LHFPL2: variants seen among roughly 807,000 people sequenced by gnomAD.
LHFPL2 encodes the protein LHFPL tetraspan subfamily member 2.
In LHFPL2, 7 loss-of-function variants were observed where a neutral mutation model predicts 17.5. That is an observed-to-expected ratio of 0.40 (90% CI 0.23 to 0.75). LHFPL2 has a LOEUF of 0.75. Among genes scored for constraint, LHFPL2 ranks in the 30% least tolerant of loss-of-function variants. The probability of loss-of-function intolerance (pLI) is 0.37; values close to 1 mark genes in which losing one functional copy is unlikely to be tolerated. For missense variants in LHFPL2, 241 were observed against 294.8 expected, an observed-to-expected ratio of 0.82 and a Z score of 1.34; for synonymous variants, 134 against 116.2, an observed-to-expected ratio of 1.15 and a Z score of -0.99.
chr5:78,516,561 G>A (rs1456388928), intron 3 of LHFPL2, among the ~76,000 whole-genome samples: 1 of 152,150 alleles, frequency 6.6e-6, no homozygotes, highest in African/African-American at 2.4e-5. Context: ...CTGCTCTGGG[G>A]GCTTCTCACA....
chr5:78,540,139 A>T (rs1489338714), intron 3 of LHFPL2, among the ~76,000 whole-genome samples: 1 of 152,252 alleles, frequency 6.6e-6, no homozygotes, highest in East Asian at 1.9e-4. Context: ...GTGCTAAGCA[A>T]TGTAATCAAC....
chr5:78,636,779 T>A (rs1230028450), intron 1 of LHFPL2, among the ~76,000 whole-genome samples: 2 of 152,102 alleles, frequency 1.3e-5, no homozygotes, highest in African/African-American at 4.8e-5. Flanking sequence ...TGTAAAACCT[T>A]CCTAAAAATA....
At chr5:78,633,578 GC>G (rs1350013544) in intron 1 of LHFPL2, among the ~76,000 whole-genome samples, 4 of 152,178 alleles carry the variant, frequency 2.6e-5, no homozygotes, top group Non-Finnish European at 5.9e-5. Context: ...TACAGAGATG[GC>G]CCAGCCTGCT....
rs1215470924 is a variant in LHFPL2 at position 78,632,307 on chromosome 5, T to C, written c.-288A>G. The C allele has an allele frequency of 6.6e-6, 1 of 152,222 alleles. No homozygotes were observed. The highest frequency in any genetic ancestry group is 1.5e-5 in the Non-Finnish European group (1 of 68,050). The allele number at this position is 152,222 out of a possible 1,614,324, so 9.4% of individuals were successfully genotyped here. On this transcript the variant is annotated 5_prime_UTR_variant, in exon 2 of 5. Coordinates refer to ENST00000380345, the MANE Select transcript of LHFPL2 (RefSeq NM_005779.3). ...AGGTCCCTCGCTTGCATGAGGTGCT[T>C]CTTAACAAAATGCAGAAACCATAGG...
intron 2 of LHFPL2, among the ~76,000 whole-genome samples, chr5:78,566,583 G>A (rs1361623660): frequency 6.6e-6 from 1 of 151,946 alleles, no homozygotes; most frequent in African/African-American, 2.4e-5. Flanking sequence ...TCAGCCTCCT[G>A]AGTAGCTGGG....
At position 78,509,990 on chromosome 5, in the gene LHFPL2, T is replaced by C; in HGVS notation, c.224A>G (p.His75Arg). 1 of 1,613,686 alleles carries C rather than the reference T, an allele frequency of 6.2e-7. No homozygotes were observed. The highest frequency in any genetic ancestry group is 8.5e-7 in the Non-Finnish European group (1 of 1,179,928). The change falls in exon 4 of 5, where the codon CAC (histidine) becomes CGC (arginine). Residue 75 changes from histidine to arginine, a missense_variant. By Grantham distance (29) the His-to-Arg change is conservative. Coordinates refer to ENST00000380345, the MANE Select transcript of LHFPL2 (RefSeq NM_005779.3). ...ARCIRNPGVQ[H>R]FQRDTLCGPY... Reference sequence around the variant, plus strand: ...CCCGCACAGCGTGTCCCGCTGGAAGTGCTGCACCCCTGGGTTCCGGATGCA... The same window carrying C: ...CCCGCACAGCGTGTCCCGCTGGAAGCGCTGCACCCCTGGGTTCCGGATGCA...
intron 4 of LHFPL2, chr5:78,494,276 TGGG>T (rs889147775): frequency 9.5e-6 from 7 of 737,136 alleles, no homozygotes; most frequent in African/African-American, 3.8e-5. Flanking sequence ...GAAGAAGAAA[TGGG>T]GGGGAGAATG....
intron 4 of LHFPL2, among the ~76,000 whole-genome samples, chr5:78,509,533 A>C (rs1445245740): frequency 6.6e-6 from 1 of 152,192 alleles, no homozygotes; most frequent in African/African-American, 2.4e-5. Flanking sequence ...GACCCCGAGG[A>C]AATAAGCAAT....
chr5:78,490,286 G>T (rs1754394517), intron 4 of LHFPL2, among the ~76,000 whole-genome samples: 1 of 152,114 alleles, frequency 6.6e-6, no homozygotes, highest in South Asian at 2.1e-4. Context: ...GCCACAAAAG[G>T]AGTCGCTTGC....
chr5:78,545,474 G>A (rs1387249042), intron 3 of LHFPL2, among the ~76,000 whole-genome samples: 1 of 152,238 alleles, frequency 6.6e-6, no homozygotes, highest in Non-Finnish European at 1.5e-5. Flanking sequence ...AGGCAAATGG[G>A]GACCTCATGG....
At chr5:78,511,045 T>A (rs1407692939) in intron 3 of LHFPL2, among the ~76,000 whole-genome samples, 1 of 152,002 alleles carries the variant, frequency 6.6e-6, no homozygotes, top group African/African-American at 2.4e-5. Flanking sequence ...CTATACTTTA[T>A]CCATTTTTCA....
chr5:78,617,346 G>GAAC (rs35070718), intron 2 of LHFPL2, among the ~76,000 whole-genome samples: 1 of 152,154 alleles, frequency 6.6e-6, no homozygotes, highest in Admixed American at 6.5e-5. Context: ...TCCTTAAAAG[G>GAAC]AACAGGAACT....
rs568119891 is a variant in LHFPL2 at position 78,582,353 on chromosome 5, T to C, written c.-244-17482A>G. On this transcript the variant is annotated intron_variant, in intron 2 of 4. Coordinates refer to ENST00000380345, the MANE Select transcript of LHFPL2 (RefSeq NM_005779.3). ...CTTTTGAATGTGTTTGCTCTTGCTT[T>C]TCTAGTTCTTTTAATTGTGATGTTA... is the stretch of plus-strand genomic sequence containing the variant. Among the ~76,000 whole-genome samples, 81 of 150,696 alleles carry C rather than the reference T, an allele frequency of 5.4e-4. 1 individual carries two copies. Among genetic ancestry groups the C allele is most frequent in the African/African-American group, 1.9e-3 (79 of 40,986 alleles).
chr5:78,633,951 T>C (rs1745339481), intron 1 of LHFPL2, among the ~76,000 whole-genome samples: 1 of 152,148 alleles, frequency 6.6e-6, no homozygotes, highest in African/African-American at 2.4e-5. Context: ...GTGGTTTTAT[T>C]AGAGGGTCAA....
intron 2 of LHFPL2, among the ~76,000 whole-genome samples, chr5:78,627,510 C>T (rs1325955901): frequency 6.6e-6 from 1 of 152,132 alleles, no homozygotes; most frequent in African/African-American, 2.4e-5. Flanking sequence ...ACCTTTATTG[C>T]TCTCCTCCTC....
chr5:78,496,716 A>C (rs1388214346), intron 4 of LHFPL2, among the ~76,000 whole-genome samples: 2 of 152,102 alleles, frequency 1.3e-5, no homozygotes, highest in African/African-American at 4.8e-5. Context: ...AGAATAAAGG[A>C]AAACTCTGAC....
chr5:78,507,968 AC>A (rs1477197828), intron 4 of LHFPL2, among the ~76,000 whole-genome samples: 1 of 151,892 alleles, frequency 6.6e-6, no homozygotes, highest in East Asian at 1.9e-4. Flanking sequence ...ACACACACAC[AC>A]ACACACATGC....
chr5:78,488,771 T>A lies in LHFPL2; in HGVS notation c.*126A>T. On this transcript the variant is annotated 3_prime_UTR_variant, in exon 5 of 5. Coordinates refer to ENST00000380345, the MANE Select transcript of LHFPL2 (RefSeq NM_005779.3). ...GATGTGGCCTCTCATTGGTCCTGTT[T>A]AAGCCTCGGGCCGTGGAACGTGGCT... 1.8e-6 allele frequency: 2 copies of A among 1,090,034 alleles called. No individual in the cohort carries two copies. The highest frequency in any genetic ancestry group is 2.7e-6 in the Non-Finnish European group (2 of 744,860). 67.5% of individuals were successfully genotyped at this position (1,090,034 alleles called of 1,614,324 possible).
intron 2 of LHFPL2, among the ~76,000 whole-genome samples, chr5:78,619,671 G>T (rs529056353): frequency 8.6e-6 from 1 of 116,512 alleles, no homozygotes; most frequent in Non-Finnish European, 1.7e-5. Flanking sequence ...CCCACAACAG[G>T]CCCCAGAGTG....
Sources: allele counts gnomAD v4.1 joint callset (sites outside exome capture counted in the v4.1 genomes callset), GRCh38; gene constraint gnomAD v4.1.1; transcripts MANE v1.5; gene names NCBI Gene and HGNC (gene_info 2026-07-23, HGNC 2026-07-21).